The following GPHN variants were observed in gnomAD, a reference collection of about 807,000 sequenced individuals.
The protein encoded by GPHN is gephyrin.
A neutral mutation model predicts 95.5 loss-of-function variants in GPHN; 17 were observed. The ratio of observed to expected loss-of-function variants is 0.18; its 90% CI spans 0.12 to 0.27. The LOEUF is 0.27. GPHN is among the 10% of genes least tolerant of loss of function. The pLI is 1.00. For missense variants in GPHN, 660 were observed against 978.1 expected, an observed-to-expected ratio of 0.67 and a Z score of 4.34; for synonymous variants, 320 against 322.5, an observed-to-expected ratio of 0.99 and a Z score of 0.08.
chr14:67,260,018 G>T, the GPHN span, among the ~76,000 whole-genome samples: 1 of 152,108 alleles, frequency 6.6e-6, no homozygotes, highest in African/African-American at 2.4e-5. Flanking sequence ...TTGTCCCCAG[G>T]AGAGAGATTT....
At chr14:66,525,929 A>C (rs28776299) in intron 1 of GPHN, among the ~76,000 whole-genome samples, 4,424 of 151,736 alleles carry the variant, frequency 0.029, 196 homozygotes, top group African/African-American at 0.1. Context: ...TGATGCCTCC[A>C]GCTTTGTTCT....
At chr14:66,584,649 G>A (rs2061345054) in intron 1 of GPHN, among the ~76,000 whole-genome samples, 1 of 152,146 alleles carries the variant, frequency 6.6e-6, no homozygotes, top group African/African-American at 2.4e-5. Flanking sequence ...AGATGATCAT[G>A]TGGTTTTCGT....
chr14:67,719,757 T>C, the GPHN span, among the ~76,000 whole-genome samples: 1 of 152,242 alleles, frequency 6.6e-6, no homozygotes, highest in African/African-American at 2.4e-5. Flanking sequence ...GAATTACAGA[T>C]GTAAGCCACA....
intron 2 of GPHN, among the ~76,000 whole-genome samples, chr14:66,745,027 T>G (rs999053436): frequency 6.6e-6 from 1 of 152,094 alleles, no homozygotes; most frequent in Non-Finnish European, 1.5e-5. Context: ...AAACGTGCCT[T>G]AAAAGATCAA....
intron 2 of GPHN, among the ~76,000 whole-genome samples, chr14:66,768,979 AGT>A (rs2059064825): frequency 6.6e-6 from 1 of 151,988 alleles, no homozygotes; most frequent in African/African-American, 2.4e-5. Flanking sequence ...CATTTTAGAC[AGT>A]GTGTAGAAAA....
the GPHN span, among the ~76,000 whole-genome samples, chr14:67,413,390 T>C: frequency 6.2e-4 from 95 of 152,180 alleles, no homozygotes; most frequent in Non-Finnish European, 5.7e-4. Context: ...GCATGAGTCA[T>C]GGGGCCGGTC....
the GPHN span, among the ~76,000 whole-genome samples, chr14:67,188,573 A>G: frequency 2.6e-5 from 4 of 152,356 alleles, no homozygotes; most frequent in Non-Finnish European, 4.4e-5. Context: ...CAGTGGGACT[A>G]TAGGTATGAC....
the GPHN span, among the ~76,000 whole-genome samples, chr14:67,437,513 C>T: frequency 5.9e-5 from 9 of 152,236 alleles, no homozygotes; most frequent in South Asian, 1.5e-3. Context: ...GCAAGTGACA[C>T]GGTCTGATTT....
At chr14:66,774,059 A>G (rs1177714477) in intron 2 of GPHN, among the ~76,000 whole-genome samples, 2 of 122,904 alleles carry the variant, frequency 1.6e-5, no homozygotes, top group Non-Finnish European at 3.1e-5. Context: ...GTTGGAGTGC[A>G]GTGGCTCAAT....
chr14:67,028,127 A>G (rs542299153), intron 10 of GPHN, among the ~76,000 whole-genome samples: 1 of 152,244 alleles, frequency 6.6e-6, no homozygotes, highest in African/African-American at 2.4e-5. Context: ...AACTTGCAAC[A>G]TCTGTCATTC....
chr14:67,683,713 G>A, the GPHN span, among the ~76,000 whole-genome samples: 1 of 152,126 alleles, frequency 6.6e-6, no homozygotes, highest in South Asian at 2.1e-4. Context: ...GCTGGCATTC[G>A]CTCACTCTAG....
the GPHN span, among the ~76,000 whole-genome samples, chr14:67,610,572 C>A: frequency 1.3e-5 from 2 of 152,126 alleles, no homozygotes; most frequent in Non-Finnish European, 2.9e-5. Context: ...TTGATAACTT[C>A]CTCAACTACT....
chr14:66,676,741 A>G (rs2066615057), intron 1 of GPHN, among the ~76,000 whole-genome samples: 2 of 139,924 alleles, frequency 1.4e-5, no homozygotes, highest in Admixed American at 1.5e-4. Flanking sequence ...TTTTGCATCT[A>G]TGCTAATCAT....
chr14:67,675,401 A>C, the GPHN span, among the ~76,000 whole-genome samples: 1 of 151,784 alleles, frequency 6.6e-6, no homozygotes, highest in East Asian at 2.0e-4. Flanking sequence ...CTACCCCCGG[A>C]GGCTGAGGTC....
At chr14:67,006,130 C>T (rs1193741824) in intron 9 of GPHN, among the ~76,000 whole-genome samples, 3 of 152,084 alleles carry the variant, frequency 2.0e-5, no homozygotes, top group African/African-American at 7.2e-5. Context: ...CATTTTACAT[C>T]GTTGCAGAGC....
the GPHN span, chr14:67,572,212 T>C: frequency 6.2e-7 from 1 of 1,609,300 alleles, no homozygotes; most frequent in Non-Finnish European, 8.5e-7. Context: ...CAGTGACTAC[T>C]CAGAGCCTGA....
the GPHN span, among the ~76,000 whole-genome samples, chr14:67,714,160 G>T: frequency 2.0e-5 from 3 of 152,180 alleles, no homozygotes; most frequent in East Asian, 5.8e-4. Flanking sequence ...TTTTGAGACA[G>T]GGTCTTGCTC....
At chr14:67,371,669 C>A in the GPHN span, among the ~76,000 whole-genome samples, 1 of 151,984 alleles carries the variant, frequency 6.6e-6, no homozygotes, top group Non-Finnish European at 1.5e-5. Context: ...ATTTGTGTAC[C>A]TAAACACAGA....
the GPHN span, chr14:67,333,852 G>T: frequency 6.6e-6 from 1 of 152,410 alleles, no homozygotes; most frequent in East Asian, 1.9e-4. Context: ...ATAGTTTTTT[G>T]TATACATGGG....
Sources: allele counts gnomAD v4.1 joint callset (sites outside exome capture counted in the v4.1 genomes callset), GRCh38; gene constraint gnomAD v4.1.1; transcripts MANE v1.5; gene names NCBI Gene and HGNC (gene_info 2026-07-23, HGNC 2026-07-21).